The following CHRNA7 variants were observed in gnomAD, a reference collection of about 807,000 sequenced individuals.
CHRNA7 encodes the protein neuronal acetylcholine receptor subunit alpha-7.
A neutral mutation model predicts 48.0 loss-of-function variants in CHRNA7; 17 were observed. That is an observed-to-expected ratio of 0.35 (90% CI 0.24 to 0.53). The LOEUF is 0.53. Among genes scored for constraint, CHRNA7 ranks in the 20% least tolerant of loss-of-function variants. The pLI is 0.92. For synonymous variants in CHRNA7, 75 were observed against 242.3 expected (o/e 0.31, Z 6.41); for missense variants, 155 against 577.7 (o/e 0.27, Z 7.50).
intron 4 of CHRNA7, among the ~76,000 whole-genome samples, chr15:32,133,275 T>C (rs931826595): frequency 6.6e-6 from 1 of 152,236 alleles, no homozygotes; most frequent in African/African-American, 2.4e-5. Context: ...ACAGGTCACA[T>C]AGTTTAGAAA....
At chr15:32,133,073 G>C (rs2051183784) in intron 4 of CHRNA7, among the ~76,000 whole-genome samples, 1 of 152,192 alleles carries the variant, frequency 6.6e-6, no homozygotes, top group African/African-American at 2.4e-5. Flanking sequence ...CGAGCTGGCA[G>C]GGTGCAATGT....
chr15:32,059,230 C>G (rs1221507700), intron 2 of CHRNA7, among the ~76,000 whole-genome samples: 2 of 152,128 alleles, frequency 1.3e-5, no homozygotes, highest in African/African-American at 2.4e-5. Flanking sequence ...TCTCGAACTC[C>G]TGACGTCAGG....
chr15:32,111,099 G>A (rs1333008425), intron 3 of CHRNA7: 1 of 152,208 alleles, frequency 6.6e-6, no homozygotes, highest in African/African-American at 2.4e-5. Flanking sequence ...CTGATCCTCG[G>A]AGGGATGACC....
At chr15:32,033,846 T>A (rs1238181874) in intron 2 of CHRNA7, among the ~76,000 whole-genome samples, 1 of 152,218 alleles carries the variant, frequency 6.6e-6, no homozygotes, top group African/African-American at 2.4e-5. Context: ...ATATTGTTAT[T>A]GATTGCTTTT....
intron 4 of CHRNA7, among the ~76,000 whole-genome samples, chr15:32,114,141 C>CAG (rs1246713004): frequency 1.4e-5 from 2 of 148,034 alleles, no homozygotes; most frequent in African/African-American, 5.0e-5. Context: ...CACACACACA[C>CAG]ACAGAGAGAG....
At chr15:32,038,342 G>GA (rs575750499) in intron 2 of CHRNA7, among the ~76,000 whole-genome samples, 225 of 151,854 alleles carry the variant, frequency 1.5e-3, no homozygotes, top group African/African-American at 5.2e-3. Flanking sequence ...AAGTTTTTGT[G>GA]ATGAATAGGA....
At chr15:32,068,774 A>G (rs1340223256) in intron 2 of CHRNA7, among the ~76,000 whole-genome samples, 1 of 152,140 alleles carries the variant, frequency 6.6e-6, no homozygotes, top group Non-Finnish European at 1.5e-5. Flanking sequence ...AGAGCATTTC[A>G]TTGTAATAAA....
At chr15:32,084,102 T>C (rs1566827044) in intron 2 of CHRNA7, among the ~76,000 whole-genome samples, 1 of 152,206 alleles carries the variant, frequency 6.6e-6, no homozygotes, top group African/African-American at 2.4e-5. Flanking sequence ...TAATTTATTA[T>C]CTTCCTACAA....
At chr15:32,110,777 TC>T (rs1352165990) in intron 3 of CHRNA7, among the ~76,000 whole-genome samples, 1 of 152,236 alleles carries the variant, frequency 6.6e-6, no homozygotes, top group Non-Finnish European at 1.5e-5. Flanking sequence ...TTTATTTGTC[TC>T]ACTTAGTGCA....
At chr15:32,109,954 A>G (rs2050735669) in intron 3 of CHRNA7, among the ~76,000 whole-genome samples, 1 of 152,158 alleles carries the variant, frequency 6.6e-6, no homozygotes, top group Non-Finnish European at 1.5e-5. Context: ...TCCCATTCCC[A>G]GTTCCTGTCT....
intron 2 of CHRNA7, among the ~76,000 whole-genome samples, chr15:32,064,837 T>C (rs536218870): frequency 1.3e-5 from 2 of 152,302 alleles, no homozygotes; most frequent in Non-Finnish European, 2.9e-5. Context: ...CCTCCTCATA[T>C]TTCCTCTTCT....
At chr15:32,064,482 A>AGTGT (rs5811677) in intron 2 of CHRNA7, among the ~76,000 whole-genome samples, 61,970 of 150,408 alleles carry the variant, frequency 0.41, 13,011 homozygotes, top group East Asian at 0.73. Flanking sequence ...GTGTGTGTGT[A>AGTGT]GTGTGTGTGT....
At chr15:32,101,213 C>T (rs2050564172) in intron 2 of CHRNA7, 90 bp from the exon 3 acceptor site, 9 of 1,387,720 alleles carry the variant, frequency 6.5e-6, no homozygotes, top group East Asian at 4.6e-5. Flanking sequence ...ACAACGCTCT[C>T]GACAGTCAGA....
At chr15:32,055,568 GTC>G in intron 2 of CHRNA7, among the ~76,000 whole-genome samples, 1 of 152,262 alleles carries the variant, frequency 6.6e-6, no homozygotes, top group East Asian at 1.9e-4. Context: ...AACTGCATTA[GTC>G]CATTCAGGAG....
At chr15:32,075,688 A>G (rs3920243) in intron 2 of CHRNA7, among the ~76,000 whole-genome samples, 149,168 of 152,086 alleles carry the variant, frequency 0.98, 73,224 homozygotes, top group East Asian at 1. Context: ...TGCTTTCAAT[A>G]TCATTGATTT....
chr15:32,064,667 G>T (rs1380085016), intron 2 of CHRNA7, among the ~76,000 whole-genome samples: 1 of 152,092 alleles, frequency 6.6e-6, no homozygotes, highest in Non-Finnish European at 1.5e-5. Context: ...ACATTTCCCA[G>T]AGAAAATTTT....
At chr15:32,087,293 C>T (rs2050313089) in intron 2 of CHRNA7, among the ~76,000 whole-genome samples, 1 of 152,146 alleles carries the variant, frequency 6.6e-6, no homozygotes, top group Admixed American at 6.5e-5. Flanking sequence ...GCTGCAGTAT[C>T]CCTCTGGCTT....
intron 2 of CHRNA7, among the ~76,000 whole-genome samples, chr15:32,051,128 C>A (rs1035527085): frequency 6.6e-6 from 1 of 151,090 alleles, no homozygotes; most frequent in Non-Finnish European, 1.5e-5. Flanking sequence ...GCAGTCTGCC[C>A]GTTCTCAGAT....
chr15:32,041,714 T>G (rs988507634), intron 2 of CHRNA7, among the ~76,000 whole-genome samples: 1 of 152,274 alleles, frequency 6.6e-6, no homozygotes, highest in African/African-American at 2.4e-5. Flanking sequence ...TTCTCTTTGC[T>G]TTTCAGTTTT....
Sources: allele counts gnomAD v4.1 joint callset (sites outside exome capture counted in the v4.1 genomes callset), GRCh38; gene constraint gnomAD v4.1.1; transcripts MANE v1.5; gene names NCBI Gene and HGNC (gene_info 2026-07-23, HGNC 2026-07-21).